NRG1: variants seen among roughly 807,000 people sequenced by gnomAD.
NRG1 encodes the protein neuregulin 1.
A neutral mutation model predicts 63.8 loss-of-function variants in NRG1; 18 were observed. The ratio of observed to expected loss-of-function variants is 0.28; its 90% CI spans 0.19 to 0.42. The LOEUF (loss-of-function observed/expected upper bound fraction) is 0.42. Among genes scored for constraint, NRG1 ranks in the 10% least tolerant of loss-of-function variants. The probability of loss-of-function intolerance (pLI) is 1.00; values close to 1 mark genes in which losing one functional copy is unlikely to be tolerated. For synonymous variants in NRG1, 302 were observed against 301.3 expected (o/e 1.00, Z -0.02); for missense variants, 762 against 814.7 (o/e 0.94, Z 0.79).
At chr8:32,766,400 A>G (rs1346239739) in exon 12 of NRG1, 2 of 152,200 alleles carry the variant, frequency 1.3e-5, no homozygotes, top group Non-Finnish European at 2.9e-5. Context: ...TGATTTTCCA[A>G]TTCTGCAGTA....
chr8:32,620,394 G>C (rs1006713887), intron 5 of NRG1, among the ~76,000 whole-genome samples: 22 of 151,990 alleles, frequency 1.4e-4, no homozygotes, highest in Non-Finnish European at 3.2e-4. Flanking sequence ...ACAGTTCTCT[G>C]CGATTTGGGG....
rs74554217 is a variant in NRG1, at chr8:32,724,430, C to T, written c.503-3519C>T. ...GCCCCCCCAGAAAGAATGCTGTTTGCTCTGATTGGCATAGGACCGGCTTTG... is the reference window on the plus strand; with the variant it reads ...GCCCCCCCAGAAAGAATGCTGTTTGTTCTGATTGGCATAGGACCGGCTTTG... On this transcript the variant is annotated intron_variant, in intron 5 of 11. Coordinates refer to ENST00000356819, the Ensembl canonical transcript of NRG1. 9.7e-3 allele frequency among the ~76,000 whole-genome samples: 1,481 copies of T among 152,224 alleles called. 26 individuals are homozygous for T. Among genetic ancestry groups the T allele is most frequent in the African/African-American group, 0.033 (1,376 of 41,538 alleles).
In NRG1 at chr8:31,996,921, G is replaced by T. The variant is rs572410200; in HGVS notation, c.37+357490G>T. Among the ~76,000 whole-genome samples, 9 of 151,972 alleles carry T rather than the reference G, an allele frequency of 5.9e-5. No homozygotes were observed. The East Asian group carries it at 1.2e-3, about 20-fold the overall frequency. ...CACCCCATGCCCCATCTCTACTAAG[G>T]GGGGGTGGGATTCACTGTCAAAAGA... is the stretch of plus-strand genomic sequence containing the variant. On this transcript the variant is annotated intron_variant, in intron 1 of 10. Coordinates refer to the NRG1 transcript ENST00000519301.
chr8:32,314,206 T>C (rs1432582026), intron 1 of NRG1, among the ~76,000 whole-genome samples: 3 of 152,008 alleles, frequency 2.0e-5, no homozygotes, highest in Non-Finnish European at 4.4e-5. Context: ...AAAAAAATTC[T>C]TCTTCGGGGC....
intron 1 of NRG1, among the ~76,000 whole-genome samples, chr8:31,940,332 T>TA (rs1478619971): frequency 3.3e-5 from 5 of 152,024 alleles, no homozygotes; most frequent in Non-Finnish European, 7.4e-5. Flanking sequence ...AGATGGAAAT[T>TA]AAAAAATTAT....
intron 1 of NRG1, among the ~76,000 whole-genome samples, chr8:31,980,137 C>G (rs527451467): frequency 6.6e-6 from 1 of 152,058 alleles, no homozygotes; most frequent in Admixed American, 6.6e-5. Context: ...GGATTTGAAC[C>G]TACATTTTTA....
chr8:32,063,786 A>T (rs1467197204), intron 1 of NRG1, among the ~76,000 whole-genome samples: 1 of 152,134 alleles, frequency 6.6e-6, no homozygotes, highest in East Asian at 1.9e-4. Flanking sequence ...AATAAAAAAC[A>T]TATCACCTAC....
At chr8:32,693,648 A>C (rs1435281901) in intron 5 of NRG1, among the ~76,000 whole-genome samples, 1 of 151,696 alleles carries the variant, frequency 6.6e-6, no homozygotes, top group Non-Finnish European at 1.5e-5. Flanking sequence ...GCCAGTCTCT[A>C]TTTCAGAAAT....
chr8:32,383,180 G>A (rs1304199008), intron 1 of NRG1, among the ~76,000 whole-genome samples: 1 of 152,122 alleles, frequency 6.6e-6, no homozygotes, highest in African/African-American at 2.4e-5. Flanking sequence ...AGCTATGATG[G>A]CATTACTGCA....
At position 31,640,391 on chromosome 8, in the gene NRG1, C is replaced by A; in HGVS notation, c.37+960C>A. 2 of 1,353,914 alleles carry A rather than the reference C, an allele frequency of 1.5e-6. No homozygotes were observed. Among genetic ancestry groups the A allele is most frequent in the East Asian group, 6.2e-5 (2 of 32,316 alleles). The allele number at this position is 1,353,914 out of a possible 1,614,324, so 83.9% of individuals were successfully genotyped here. Reference sequence around the variant, plus strand: ...CCCGCCGAGGAGCCGCTGCTCGCCGCCAACGGGACCGTGCCCTCTTGGCCC... The same window carrying A: ...CCCGCCGAGGAGCCGCTGCTCGCCGACAACGGGACCGTGCCCTCTTGGCCC... On this transcript the variant is annotated intron_variant, in intron 1 of 10. Coordinates refer to the NRG1 transcript ENST00000519301. This position sits in a 1 kb window ranked among gnomAD's most constrained non-coding sequence, Gnocchi z 6.3.
chr8:32,401,208 G>C (rs1405346323), intron 1 of NRG1, among the ~76,000 whole-genome samples: 2 of 152,018 alleles, frequency 1.3e-5, no homozygotes, highest in African/African-American at 4.8e-5. Flanking sequence ...CTTATTACCT[G>C]GGCGATGAAA....
At chr8:32,242,491 A>G (rs973229065) in intron 1 of NRG1, among the ~76,000 whole-genome samples, 1 of 152,214 alleles carries the variant, frequency 6.6e-6, no homozygotes, top group African/African-American at 2.4e-5. Context: ...AAAAAGAAAA[A>G]GAAAAATAAG....
At chr8:32,209,112 A>G (rs1844389481) in intron 1 of NRG1, among the ~76,000 whole-genome samples, 1 of 152,152 alleles carries the variant, frequency 6.6e-6, no homozygotes, top group Non-Finnish European at 1.5e-5. Context: ...CTCATCTGAA[A>G]TATAAGGATA....
intron 1 of NRG1, among the ~76,000 whole-genome samples, chr8:31,749,975 C>T (rs1816287916): frequency 6.6e-6 from 1 of 151,770 alleles, no homozygotes; most frequent in African/African-American, 2.4e-5. Context: ...TTCTCCTTGA[C>T]ACATTTAGTT....
intron 1 of NRG1, among the ~76,000 whole-genome samples, chr8:31,972,902 A>C (rs1807538198): frequency 6.6e-6 from 1 of 152,234 alleles, no homozygotes. Context: ...GGAACTGGTA[A>C]ATTAAACTGT....
intron 1 of NRG1, among the ~76,000 whole-genome samples, chr8:32,468,159 A>G (rs1823310662): frequency 6.6e-6 from 1 of 152,146 alleles, no homozygotes; most frequent in Non-Finnish European, 1.5e-5. Flanking sequence ...CACACAAGAA[A>G]TGACTTTCCT....
At chr8:31,771,286 AC>A (rs1457785069) in intron 1 of NRG1, among the ~76,000 whole-genome samples, 1 of 152,188 alleles carries the variant, frequency 6.6e-6, no homozygotes, top group Non-Finnish European at 1.5e-5. Flanking sequence ...ATTCAGCGTA[AC>A]ACCTGAGATT....
intron 1 of NRG1, among the ~76,000 whole-genome samples, chr8:32,498,774 T>A (rs1242191648): frequency 1.3e-5 from 2 of 152,128 alleles, no homozygotes; most frequent in Non-Finnish European, 2.9e-5. Context: ...CATGGGTCAC[T>A]TTTTTCTTCC....
chr8:32,628,685 T>A (rs1849722935), intron 5 of NRG1, among the ~76,000 whole-genome samples: 1 of 151,502 alleles, frequency 6.6e-6, no homozygotes, highest in Non-Finnish European at 1.5e-5. Context: ...GAAAGTAACA[T>A]GCACTACATG....
Sources: gnomAD v4.1 joint callset for allele counts (sites outside exome capture counted in the v4.1 genomes callset) on GRCh38, gnomAD v4.1.1 for gene constraint, Gnocchi (gnomAD v3.1) non-coding constraint, MANE v1.5 for transcripts, NCBI Gene and HGNC (gene_info 2026-07-23, HGNC 2026-07-21) for gene names.